The following ELP4 variants were observed in gnomAD, a reference collection of about 807,000 sequenced individuals.
ELP4 encodes elongator acetyltransferase complex subunit 4, also known as elongator complex protein 4.
Under a neutral mutation model 48.9 loss-of-function variants are expected in ELP4, and 51 were observed. The ratio of observed to expected loss-of-function variants is 1.04; its 90% confidence interval spans 0.83 to 1.32. The LOEUF is 1.32. ELP4 is among the 40% of genes most tolerant of loss of function. ELP4 has a pLI of 0.00. For missense variants in ELP4, 519 were observed against 514.6 expected (o/e 1.01, Z -0.08); for synonymous variants, 210 against 189.2 (o/e 1.11, Z -0.90).
intron 9 of ELP4, among the ~76,000 whole-genome samples, chr11:31,731,015 A>G (rs1947175379): frequency 6.6e-6 from 1 of 152,150 alleles, no homozygotes; most frequent in African/African-American, 2.4e-5. Flanking sequence ...ATCTAAACAC[A>G]CAAGTTTAGA....
At chr11:31,575,124 C>T (rs908727670) in intron 3 of ELP4, among the ~76,000 whole-genome samples, 9 of 152,070 alleles carry the variant, frequency 5.9e-5, no homozygotes, top group Admixed American at 1.3e-4. Flanking sequence ...AACCATGGCA[C>T]GAGAACTACG....
Position 31,771,334 on chromosome 11 carries a change from C to T in ELP4, c.1144-12059C>T, listed in dbSNP as rs1948138180. 2.0e-5 allele frequency among the ~76,000 whole-genome samples: 3 copies of T among 152,120 alleles called. No homozygotes were observed. The South Asian group carries it at 6.2e-4, about 31-fold the overall frequency. On this transcript the variant is annotated intron_variant, in intron 9 of 9. Coordinates refer to ENST00000640961, the MANE Select transcript of ELP4 (RefSeq NM_019040.5). The stretch of plus-strand genomic sequence containing the variant: ...GTCTCTTGTAGAATATGCATGTTTG[C>T]AACAATTTTTTTTTCTATTATTGCA...
chr11:31,744,483 A>C (rs1362158987), intron 9 of ELP4, among the ~76,000 whole-genome samples: 1 of 152,250 alleles, frequency 6.6e-6, no homozygotes, highest in Non-Finnish European at 1.5e-5. Context: ...TGATGCAAAA[A>C]TCCTCAATAA....
chr11:31,643,660 C>CT (rs1945144333), intron 7 of ELP4, among the ~76,000 whole-genome samples: 1 of 151,730 alleles, frequency 6.6e-6, no homozygotes, highest in South Asian at 2.1e-4. Flanking sequence ...ATAGTTTTGA[C>CT]TTTAAGAACT....
intron 2 of ELP4, among the ~76,000 whole-genome samples, chr11:31,536,082 A>G (rs147126744): frequency 6.6e-6 from 1 of 152,242 alleles, no homozygotes; most frequent in African/African-American, 2.4e-5. Flanking sequence ...AACTACTGCA[A>G]ATTAGTAGTT....
intron 6 of ELP4, among the ~76,000 whole-genome samples, chr11:31,630,986 G>A (rs1387973103): frequency 2.0e-5 from 3 of 151,970 alleles, no homozygotes; most frequent in Non-Finnish European, 2.9e-5. Context: ...AAAGTCCTAA[G>A]TAATGTGTGT....
At chr11:31,759,090 A>G (rs1033240644) in intron 9 of ELP4, among the ~76,000 whole-genome samples, 1 of 152,134 alleles carries the variant, frequency 6.6e-6, no homozygotes, top group Non-Finnish European at 1.5e-5. Flanking sequence ...ATATGTTTTT[A>G]TTTAAATGAC....
intron 9 of ELP4, among the ~76,000 whole-genome samples, chr11:31,717,424 A>T (rs751722348): frequency 5.9e-5 from 9 of 152,170 alleles, no homozygotes; most frequent in Non-Finnish European, 1.2e-4. Context: ...TATTCTTGTT[A>T]TTCAATGGTT....
chr11:31,580,981 ATAT>A (rs1183571617), intron 3 of ELP4, among the ~76,000 whole-genome samples: 6 of 152,186 alleles, frequency 3.9e-5, no homozygotes, highest in African/African-American at 1.4e-4. Context: ...ATTCAGTCAA[ATAT>A]TATACTATTT....
chr11:31,621,833 T>G (rs946258635), intron 5 of ELP4, among the ~76,000 whole-genome samples: 2 of 151,886 alleles, frequency 1.3e-5, no homozygotes, highest in Non-Finnish European at 2.9e-5. Context: ...CACAGGCTTT[T>G]CATTGAATCT....
chr11:31,567,737 T>C (rs1957134677), intron 3 of ELP4, among the ~76,000 whole-genome samples: 3 of 152,236 alleles, frequency 2.0e-5, no homozygotes, highest in South Asian at 2.1e-4. Flanking sequence ...TATAAAGTTA[T>C]GTTGATACTA....
intron 9 of ELP4, among the ~76,000 whole-genome samples, chr11:31,696,475 A>G (rs960474611): frequency 5.9e-5 from 9 of 152,016 alleles, no homozygotes; most frequent in African/African-American, 2.2e-4. Flanking sequence ...TAGTTGAGTG[A>G]TTTTGAGAGA....
intron 9 of ELP4, among the ~76,000 whole-genome samples, chr11:31,740,927 G>A (rs552218270): frequency 3.3e-5 from 5 of 152,176 alleles, no homozygotes; most frequent in Admixed American, 6.5e-5. Context: ...TGCGTGAGCC[G>A]AAGCAGGGCG....
chr11:31,723,060 A>T (rs932437149), intron 9 of ELP4, among the ~76,000 whole-genome samples: 3 of 152,176 alleles, frequency 2.0e-5, no homozygotes, highest in African/African-American at 7.2e-5. Flanking sequence ...ACCCCTGCCC[A>T]GTCACCCACC....
At chr11:31,549,214 A>T (rs1956791733) in intron 3 of ELP4, among the ~76,000 whole-genome samples, 1 of 151,486 alleles carries the variant, frequency 6.6e-6, no homozygotes, top group South Asian at 2.1e-4. Context: ...ACAAAATGGG[A>T]GAAAATTTTC....
At chr11:31,639,622 T>A (rs1945049501) in intron 7 of ELP4, among the ~76,000 whole-genome samples, 1 of 151,952 alleles carries the variant, frequency 6.6e-6, no homozygotes, top group Non-Finnish European at 1.5e-5. Context: ...GTTCTGTCTA[T>A]ATTAAGCATA....
At chr11:31,573,717 G>A (rs907428449) in intron 3 of ELP4, 9 of 152,054 alleles carry the variant, frequency 5.9e-5, no homozygotes, top group African/African-American at 1.7e-4. Context: ...CTCATTAGGG[G>A]ATAGGACTTC....
chr11:31,593,041 A>G (rs1957611097), intron 3 of ELP4, among the ~76,000 whole-genome samples: 1 of 152,196 alleles, frequency 6.6e-6, no homozygotes, highest in Non-Finnish European at 1.5e-5. Context: ...GTTAAACCAA[A>G]TACATTATAC....
intron 5 of ELP4, among the ~76,000 whole-genome samples, chr11:31,609,799 C>A (rs7105795): frequency 0.91 from 138,847 of 152,128 alleles, 64,384 homozygotes; most frequent in South Asian, 1. Flanking sequence ...TGGGAGGTCG[C>A]GGCAGGAGGA....
Sources: gnomAD v4.1 joint callset for allele counts (sites outside exome capture counted in the v4.1 genomes callset) on GRCh38, gnomAD v4.1.1 for gene constraint, MANE v1.5 for transcripts, NCBI Gene and HGNC (gene_info 2026-07-23, HGNC 2026-07-21) for gene names.